Variants in MESD observed in about 807,000 individuals in gnomAD.
MESD encodes LRP chaperone MESD.
Under a neutral mutation model 12.9 loss-of-function variants are expected in MESD, and 7 were observed. The ratio of observed to expected loss-of-function variants is 0.54; its 90% CI spans 0.31 to 1.02. The LOEUF (loss-of-function observed/expected upper bound fraction) is 1.02. MESD is among the 50% of genes least tolerant of loss of function. The pLI is 0.05. For missense variants in MESD, 342 were observed against 296.7 expected (o/e 1.15, Z -1.12); for synonymous variants, 126 against 115.6 (o/e 1.09, Z -0.58).
intron 1 of MESD, among the ~76,000 whole-genome samples, chr15:80,988,856 A>T (rs1893220349): frequency 6.7e-6 from 1 of 149,890 alleles, no homozygotes; most frequent in Non-Finnish European, 1.5e-5. Flanking sequence ...GGGAAAAGGC[A>T]GCAATGTGGT....
chr15:80,955,625 G>A (rs1175134123), intron 3 of MESD, among the ~76,000 whole-genome samples: 1 of 151,410 alleles, frequency 6.6e-6, no homozygotes, highest in African/African-American at 2.4e-5. Context: ...GCGTGTGTGT[G>A]TGTGTGTGTG....
chr15:80,951,289 CAT>C (rs1333740846), intron 4 of MESD: 10 of 152,650 alleles, frequency 6.6e-5, no homozygotes, highest in African/African-American at 2.4e-4. Context: ...CAGAGTTGTA[CAT>C]ATGTTTCACA....
At chr15:80,959,274 T>C (rs1298803006) in intron 3 of MESD, among the ~76,000 whole-genome samples, 4 of 152,174 alleles carry the variant, frequency 2.6e-5, no homozygotes, top group African/African-American at 4.8e-5. Flanking sequence ...CGAAGGTAGA[T>C]GGAGGCTGGA....
chr15:80,969,572 A>G (rs1293702004), intron 3 of MESD, among the ~76,000 whole-genome samples: 3 of 151,964 alleles, frequency 2.0e-5, no homozygotes, highest in Non-Finnish European at 2.9e-5. Flanking sequence ...CCTGGGTTTG[A>G]GGCTGGGCAT....
chr15:80,987,366 G>A (rs899653481), intron 1 of MESD, among the ~76,000 whole-genome samples: 3 of 152,168 alleles, frequency 2.0e-5, no homozygotes, highest in African/African-American at 7.2e-5. Context: ...TCTGTAGAGC[G>A]TCTACAAACA....
chr15:80,984,140 C>A (rs1902664547), intron 1 of MESD, among the ~76,000 whole-genome samples: 1 of 152,096 alleles, frequency 6.6e-6, no homozygotes, highest in Non-Finnish European at 1.5e-5. Flanking sequence ...ACCTCGTGAT[C>A]TGCCCACCTC....
At chr15:80,972,828 C>G (rs1193658775), downstream of MESD, among the ~76,000 whole-genome samples, 1 of 152,196 alleles carries the variant, frequency 6.6e-6, no homozygotes, top group Non-Finnish European at 1.5e-5. Flanking sequence ...CGAGACCAGC[C>G]TGGCCAACAT....
At chr15:80,983,894 CTTTTTTTTT>C (rs10570822) in intron 1 of MESD, among the ~76,000 whole-genome samples, 22 of 88,502 alleles carry the variant, frequency 2.5e-4, no homozygotes, top group South Asian at 5.1e-4. Context: ...AAAACAGTAA[CTTTTTTTTT>C]TTTTTTTTTT....
chr15:80,979,826 T>C (rs1044744470), intron 2 of MESD, among the ~76,000 whole-genome samples: 1 of 152,230 alleles, frequency 6.6e-6, no homozygotes, highest in Admixed American at 6.5e-5. Context: ...TTCGATCTGA[T>C]CTGTATCTGT....
At chr15:80,983,469 GTTC>G (rs2141814561) in intron 1 of MESD, among the ~76,000 whole-genome samples, 1 of 152,280 alleles carries the variant, frequency 6.6e-6, no homozygotes, top group Admixed American at 6.5e-5. Flanking sequence ...TGAGAGCCAG[GTTC>G]TTAACTTCTG....
intron 3 of MESD, among the ~76,000 whole-genome samples, chr15:80,965,075 C>T (rs1226443767): frequency 6.6e-6 from 1 of 152,164 alleles, no homozygotes; most frequent in Non-Finnish European, 1.5e-5. Flanking sequence ...GGGCTAATAT[C>T]CAGAATCTAC....
intron 3 of MESD, among the ~76,000 whole-genome samples, chr15:80,964,684 T>C (rs1349096985): frequency 6.6e-6 from 1 of 151,762 alleles, no homozygotes; most frequent in African/African-American, 2.4e-5. Flanking sequence ...CATCTGATCT[T>C]TGACAAACAA....
chr15:80,964,484 C>T (rs1303490610), intron 3 of MESD, among the ~76,000 whole-genome samples: 1 of 152,180 alleles, frequency 6.6e-6, no homozygotes, highest in East Asian at 1.9e-4. Context: ...TCACATGGAA[C>T]CAAAAAAGAG....
chr15:80,965,793 G>A (rs1357844837), intron 3 of MESD, among the ~76,000 whole-genome samples: 2 of 152,144 alleles, frequency 1.3e-5, no homozygotes, highest in Admixed American at 1.3e-4. Context: ...TCACACACCA[G>A]GGCCTATTGT....
chr15:80,954,154 T>C (rs1901913853), intron 3 of MESD, among the ~76,000 whole-genome samples: 1 of 152,186 alleles, frequency 6.6e-6, no homozygotes, highest in Non-Finnish European at 1.5e-5. Flanking sequence ...CAAAGCCTTC[T>C]CTGACCCATG....
chr15:80,951,545 A>C (rs1355628825), intron 4 of MESD: 1 of 152,638 alleles, frequency 6.6e-6, no homozygotes, highest in East Asian at 1.9e-4. Context: ...GAGTGTTTGT[A>C]TGTAAACATT....
intron 1 of MESD, among the ~76,000 whole-genome samples, chr15:80,987,127 G>T (rs1476384975): frequency 6.6e-6 from 1 of 152,050 alleles, no homozygotes; most frequent in East Asian, 1.9e-4. Flanking sequence ...ACACCAATTG[G>T]GACTCAGAAT....
chr15:80,982,905 A>T (rs1902619527), intron 1 of MESD, among the ~76,000 whole-genome samples: 1 of 150,072 alleles, frequency 6.7e-6, no homozygotes, highest in South Asian at 2.1e-4. Context: ...ACACAGTAAG[A>T]CTGTCTCTAA....
chr15:80,946,782 TCAC>T, downstream of MESD: 2 of 633,152 alleles, frequency 3.2e-6, no homozygotes, highest in Non-Finnish European at 5.8e-6. Context: ...AGGATGTTCG[TCAC>T]CACATGGAAA....
Sources: allele counts gnomAD v4.1 joint callset (sites outside exome capture counted in the v4.1 genomes callset), GRCh38; gene constraint gnomAD v4.1.1; transcripts MANE v1.5; gene names NCBI Gene and HGNC (gene_info 2026-07-23, HGNC 2026-07-21).